Variants in CAMTA1 observed in about 807,000 individuals in gnomAD.
CAMTA1 encodes the protein calmodulin binding transcription activator 1.
CAMTA1 carries 27 observed loss-of-function variants against 170.9 expected under a neutral mutation model. The ratio of observed to expected loss-of-function variants is 0.16; its 90% CI spans 0.12 to 0.22. The LOEUF (loss-of-function observed/expected upper bound fraction) is 0.22, where lower values mean the gene tolerates loss of function less well. Among genes scored for constraint, CAMTA1 ranks in the 10% least tolerant of loss-of-function variants. CAMTA1 has a pLI of 1.00. For missense variants in CAMTA1, 1,619 were observed against 2,217.2 expected, an observed-to-expected ratio of 0.73 and a Z score of 5.42; for synonymous variants, 833 against 891.5, an observed-to-expected ratio of 0.93 and a Z score of 1.17.
At chr1:7,142,227 A>C in intron 4 of CAMTA1, 1 of 493,044 alleles carries the variant, frequency 2.0e-6, no homozygotes, top group South Asian at 1.5e-5. Context: ...AACCTTAAAG[A>C]ACCTTCCAGT....
chr1:7,342,862 C>G (rs1406145184), intron 5 of CAMTA1, among the ~76,000 whole-genome samples: 1 of 152,152 alleles, frequency 6.6e-6, no homozygotes. Context: ...CTGTTTTCTG[C>G]AACTTCATGC....
In CAMTA1 at chr1:7,146,924, A is replaced by G. The variant is rs114566551; in HGVS notation, c.302+55553A>G. 0.016 allele frequency among the ~76,000 whole-genome samples: 2,365 copies of G among 151,948 alleles called. 65 individuals are homozygous for G. The highest frequency in any genetic ancestry group is 0.055 in the African/African-American group (2,272 of 41,384). ...ATACACATACACATCACACACTCAA[A>G]TATACACCATGTTCACACACATCAC... On this transcript the variant is annotated intron_variant, in intron 4 of 22. Coordinates refer to ENST00000303635, the MANE Select transcript of CAMTA1 (RefSeq NM_015215.4). This position sits in a 1 kb window ranked among gnomAD's most constrained non-coding sequence, Gnocchi z 4.3.
At chr1:7,688,709 C>T (rs1488718227) in intron 11 of CAMTA1, among the ~76,000 whole-genome samples, 1 of 152,224 alleles carries the variant, frequency 6.6e-6, no homozygotes, top group Admixed American at 6.5e-5. Context: ...GGGCCAAGGA[C>T]AAAGCCCTGT....
intron 5 of CAMTA1, among the ~76,000 whole-genome samples, chr1:7,457,202 T>C (rs377246769): frequency 2.0e-5 from 3 of 152,230 alleles, no homozygotes; most frequent in East Asian, 3.9e-4. Flanking sequence ...TTCCATTTTA[T>C]GCCCACTAAT....
intron 4 of CAMTA1, among the ~76,000 whole-genome samples, chr1:7,201,268 T>C (rs918136588): frequency 6.6e-6 from 1 of 152,272 alleles, no homozygotes; most frequent in African/African-American, 2.4e-5. Context: ...TTTCATTATA[T>C]GGATATAACT....
rs535678868 is a variant in CAMTA1 at position 7,098,617 on chromosome 1, A to C, written c.302+7246A>C. Among the ~76,000 whole-genome samples, 14 of 152,320 alleles carry C rather than the reference A, an allele frequency of 9.2e-5. No homozygotes were observed. In the South Asian group the frequency reaches 2.5e-3, roughly 27 times the overall value. The stretch of plus-strand genomic sequence containing the variant: ...AAGTCCCCAGTCTCTGCATGGAAAT[A>C]GGTCTGCCCCAGATTCCAGTTATCT... On this transcript the variant is annotated intron_variant, in intron 4 of 22. Coordinates refer to ENST00000303635, the MANE Select transcript of CAMTA1 (RefSeq NM_015215.4).
At chr1:7,412,276 T>C (rs2090834545) in intron 5 of CAMTA1, among the ~76,000 whole-genome samples, 1 of 152,052 alleles carries the variant, frequency 6.6e-6, no homozygotes, top group African/African-American at 2.4e-5. Flanking sequence ...ATATACCCAG[T>C]AATGGGATGG....
rs140107506 is a variant in CAMTA1 at position 6,891,508 on chromosome 1, C to T, written c.234+66298C>T. On this transcript the variant is annotated intron_variant, in intron 3 of 22. Coordinates refer to ENST00000303635, the MANE Select transcript of CAMTA1 (RefSeq NM_015215.4). ...CTGTGATCTTCCGGGATCTTAACAC[C>T]TAAATATTTTCCCTGCTTGTACAGC... Among the ~76,000 whole-genome samples, 39 of 152,258 alleles carry T rather than the reference C, an allele frequency of 2.6e-4. No homozygotes were observed. In the East Asian group the frequency reaches 7.3e-3, roughly 29 times the overall value.
At chr1:7,321,105 G>A (rs959063853) in intron 5 of CAMTA1, among the ~76,000 whole-genome samples, 5 of 152,192 alleles carry the variant, frequency 3.3e-5, no homozygotes, top group Non-Finnish European at 7.4e-5. Flanking sequence ...CCTTTCTCTT[G>A]GGCACCTGCC....
intron 3 of CAMTA1, among the ~76,000 whole-genome samples, chr1:6,862,664 G>T (rs1665191437): frequency 1.3e-5 from 2 of 152,094 alleles, no homozygotes; most frequent in African/African-American, 2.4e-5. Flanking sequence ...CTTTGGCTGT[G>T]CCATCCTCCC....
chr1:7,695,342 C>T (rs1001754806), intron 11 of CAMTA1, among the ~76,000 whole-genome samples: 7 of 152,326 alleles, frequency 4.6e-5, no homozygotes, highest in African/African-American at 1.4e-4. Flanking sequence ...CCTGAAGCTC[C>T]AAGGCCCCCA....
intron 3 of CAMTA1, among the ~76,000 whole-genome samples, chr1:7,043,702 G>C (rs1044099004): frequency 1.3e-5 from 2 of 152,160 alleles, no homozygotes; most frequent in African/African-American, 4.8e-5. Flanking sequence ...GCTCCTGAAG[G>C]TTGGTTCCAG....
At chr1:6,938,296 T>C (rs1406231924) in intron 3 of CAMTA1, among the ~76,000 whole-genome samples, 2 of 152,122 alleles carry the variant, frequency 1.3e-5, no homozygotes, top group African/African-American at 4.8e-5. Context: ...GGTACCCCCC[T>C]CAGCTCTGGG....
Position 7,673,259 on chromosome 1 carries a change from C to T in CAMTA1, c.2779+2222C>T. On this transcript the variant is annotated intron_variant, in intron 10 of 22. Coordinates refer to ENST00000303635, the MANE Select transcript of CAMTA1 (RefSeq NM_015215.4). This position sits in a 1 kb window ranked among gnomAD's most constrained non-coding sequence, Gnocchi z 4.6. ...GGGCTGGAGTCAGCCACACTCGGGT[C>T]CATCCCAGATCAGCCAGAAACCATC... is the stretch of plus-strand genomic sequence containing the variant. Among the ~76,000 whole-genome samples, 1 of 152,218 alleles carries T rather than the reference C, an allele frequency of 6.6e-6. No homozygotes were observed. The highest frequency in any genetic ancestry group is 1.5e-5 in the Non-Finnish European group (1 of 68,040).
chr1:6,999,338 C>G (rs1013745935), intron 3 of CAMTA1, among the ~76,000 whole-genome samples: 1 of 152,154 alleles, frequency 6.6e-6, no homozygotes, highest in African/African-American at 2.4e-5. Flanking sequence ...GCAGGCTGTA[C>G]AAGCATGGTG....
chr1:7,108,136 G>A (rs2148346017), intron 4 of CAMTA1, among the ~76,000 whole-genome samples: 1 of 152,284 alleles, frequency 6.6e-6, no homozygotes, highest in African/African-American at 2.4e-5. Flanking sequence ...GCATGAGGGA[G>A]TTAGCGAGCC....
intron 1 of CAMTA1, among the ~76,000 whole-genome samples, chr1:6,810,292 T>C (rs1448176132): frequency 1.3e-5 from 2 of 152,180 alleles, no homozygotes; most frequent in African/African-American, 4.8e-5. Context: ...CTTTGGGCTG[T>C]TGGGCTGAGG....
intron 3 of CAMTA1, among the ~76,000 whole-genome samples, chr1:6,839,847 C>A (rs1654937589): frequency 6.6e-6 from 1 of 152,154 alleles, no homozygotes; most frequent in South Asian, 2.1e-4. Context: ...GGGGATCTGG[C>A]AGATGAGCTG....
At chr1:6,978,130 A>G (rs1362649438) in intron 3 of CAMTA1, among the ~76,000 whole-genome samples, 2 of 152,138 alleles carry the variant, frequency 1.3e-5, no homozygotes, top group African/African-American at 4.8e-5. Flanking sequence ...AATAGTTATA[A>G]TAGAATGAAT....
Sources: allele counts gnomAD v4.1 joint callset (sites outside exome capture counted in the v4.1 genomes callset), GRCh38; gene constraint gnomAD v4.1.1; non-coding constraint Gnocchi (gnomAD v3.1); transcripts MANE v1.5; gene names NCBI Gene and HGNC (gene_info 2026-07-23, HGNC 2026-07-21).